Variants in CDH12 observed in about 807,000 individuals in gnomAD.
The protein encoded by CDH12 is cadherin-12.
In CDH12, 41 loss-of-function variants were observed where a neutral mutation model predicts 74.1. The ratio of observed to expected loss-of-function variants is 0.55; its 90% CI spans 0.43 to 0.72. The LOEUF is 0.72. Ranked by LOEUF, CDH12 falls within the 30% of genes least tolerant of loss-of-function variation. CDH12 has a pLI of 0.00. For missense variants in CDH12, 945 were observed against 977.2 expected (o/e 0.97, Z 0.44); for synonymous variants, 399 against 355.0 (o/e 1.12, Z -1.39).
chr5:21,843,754 C>G (rs183745791), intron 7 of CDH12, among the ~76,000 whole-genome samples: 1 of 152,182 alleles, frequency 6.6e-6, no homozygotes, highest in Admixed American at 6.5e-5. Context: ...GCTCAGGCTC[C>G]TGAAGCTTCA....
At chr5:22,843,609 T>C (rs919381859) in intron 1 of CDH12, among the ~76,000 whole-genome samples, 2 of 134,838 alleles carry the variant, frequency 1.5e-5, no homozygotes, top group African/African-American at 5.6e-5. Context: ...TTCTTAACAT[T>C]TGTGGTGTGT....
At chr5:22,569,309 G>A (rs1739434621) in intron 1 of CDH12, among the ~76,000 whole-genome samples, 1 of 152,110 alleles carries the variant, frequency 6.6e-6, no homozygotes, top group Non-Finnish European at 1.5e-5. Flanking sequence ...GATTAAGTGT[G>A]TGGCACCCCA....
At chr5:22,267,800 G>T (rs1365448472) in intron 3 of CDH12, among the ~76,000 whole-genome samples, 1 of 152,086 alleles carries the variant, frequency 6.6e-6, no homozygotes, top group Non-Finnish European at 1.5e-5. Context: ...GATCCAACTT[G>T]ATAATGGCAT....
chr5:22,267,285 C>A (rs1019880654), intron 3 of CDH12, among the ~76,000 whole-genome samples: 3 of 152,044 alleles, frequency 2.0e-5, no homozygotes, highest in South Asian at 2.1e-4. Context: ...TTATGAGTAA[C>A]GTGTTTTAAT....
At position 22,293,134 on chromosome 5, in the gene CDH12, G is replaced by C. The variant is rs367984924; in HGVS notation, c.-332-80491C>G. On this transcript the variant is annotated intron_variant, in intron 3 of 14. Transcript: ENST00000382254. The stretch of plus-strand genomic sequence containing the variant: ...ATTTGGCACCCTTAGTTCTGAAACT[G>C]CTCTTCCTGCTGCTGTAGCCCCTAC... 2.6e-5 allele frequency among the ~76,000 whole-genome samples: 4 copies of C among 152,086 alleles called. No individual in the cohort carries two copies. In the East Asian group the frequency reaches 7.7e-4, roughly 29 times the overall value.
chr5:22,765,645 T>A (rs1183190406), intron 1 of CDH12, among the ~76,000 whole-genome samples: 3 of 152,024 alleles, frequency 2.0e-5, no homozygotes, highest in Non-Finnish European at 4.4e-5. Flanking sequence ...GATTTTAATG[T>A]TTAAAAGCGT....
intron 5 of CDH12, among the ~76,000 whole-genome samples, chr5:21,983,034 T>C (rs1205965566): frequency 6.6e-6 from 1 of 152,128 alleles, no homozygotes; most frequent in Non-Finnish European, 1.5e-5. Flanking sequence ...ATCTGCACAA[T>C]TGTCAACCTG....
intron 8 of CDH12, among the ~76,000 whole-genome samples, chr5:21,829,986 G>T (rs1748912910): frequency 1.3e-5 from 2 of 151,732 alleles, no homozygotes; most frequent in Admixed American, 1.3e-4. Context: ...ATCACCCGAG[G>T]TCAGGAATTT....
chr5:21,975,365 C>T lies in CDH12; in HGVS notation c.252G>A (p.Lys84=). The change falls in exon 6 of 15, where the codon AAG becomes AAA. Residue 84 remains lysine (K), a synonymous_variant. Coordinates refer to ENST00000382254, the MANE Select transcript of CDH12 (RefSeq NM_004061.5). The part of the protein sequence containing the change: ...YVGKLHSDLD[K]GEGTVKYTLS... ...GGGTGTATTTCACAGTGCCCTCTCC[C>T]TTGTCTAAGTCGGAATGGAGCTTTA... The T allele has an allele frequency of 6.3e-7, 1 of 1,594,686 alleles. No homozygotes were observed. The highest frequency in any genetic ancestry group is 8.5e-7 in the Non-Finnish European group (1 of 1,178,754).
At chr5:22,667,972 T>G (rs1487412) in intron 1 of CDH12, among the ~76,000 whole-genome samples, 85,977 of 151,880 alleles carry the variant, frequency 0.57, 24,556 homozygotes, top group Non-Finnish European at 0.59. Flanking sequence ...AAAAAACATT[T>G]AGATCATATA....
intron 3 of CDH12, among the ~76,000 whole-genome samples, chr5:22,298,423 A>C (rs1418678054): frequency 6.6e-6 from 1 of 152,048 alleles, no homozygotes; most frequent in Non-Finnish European, 1.5e-5. Flanking sequence ...ATATCTAAGC[A>C]AACCTCTAAT....
intron 1 of CDH12, among the ~76,000 whole-genome samples, chr5:22,806,906 C>A (rs1285529012): frequency 6.6e-6 from 1 of 151,930 alleles, no homozygotes; most frequent in Non-Finnish European, 1.5e-5. Flanking sequence ...CAAAAATTTT[C>A]TCCCATTCTG....
intron 1 of CDH12, among the ~76,000 whole-genome samples, chr5:22,609,172 G>C (rs1428640316): frequency 6.6e-6 from 1 of 152,020 alleles, no homozygotes; most frequent in African/African-American, 2.4e-5. Context: ...TTTTTATAAT[G>C]GTCTTTAGAG....
At position 22,644,481 on chromosome 5, in the gene CDH12, T is replaced by C. The variant is rs370739684; in HGVS notation, c.-522-139117A>G. Reference sequence around the variant, plus strand: ...CTAACTCTCTTCAATTCTATGAAGGTTGAGAGAAGTGAGAAGCTATAGAAA... The same window carrying C: ...CTAACTCTCTTCAATTCTATGAAGGCTGAGAGAAGTGAGAAGCTATAGAAA... On this transcript the variant is annotated intron_variant, in intron 1 of 14. Transcript: ENST00000382254. Among the ~76,000 whole-genome samples the C allele has an allele frequency of 1.9e-4, 29 of 151,872 alleles. No individual in the cohort carries two copies. The East Asian group carries it at 4.8e-3, about 25-fold the overall frequency.
At chr5:22,548,235 A>G (rs758319186) in intron 1 of CDH12, among the ~76,000 whole-genome samples, 4 of 152,318 alleles carry the variant, frequency 2.6e-5, no homozygotes, top group Non-Finnish European at 5.9e-5. Flanking sequence ...TCTTGTTAAC[A>G]TAGCTGACAA....
At chr5:21,886,883 G>A (rs985140408) in intron 6 of CDH12, among the ~76,000 whole-genome samples, 8 of 151,862 alleles carry the variant, frequency 5.3e-5, no homozygotes, top group South Asian at 2.1e-4. Flanking sequence ...TTGGTTTTTG[G>A]CACATCTTTT....
At chr5:22,740,486 C>A (rs1027920762) in intron 1 of CDH12, among the ~76,000 whole-genome samples, 1 of 151,446 alleles carries the variant, frequency 6.6e-6, no homozygotes, top group Non-Finnish European at 1.5e-5. Flanking sequence ...GCTTATGATT[C>A]CCACTATATC....
intron 5 of CDH12, among the ~76,000 whole-genome samples, chr5:22,040,384 A>C (rs2150182698): frequency 6.6e-6 from 1 of 152,266 alleles, no homozygotes; most frequent in African/African-American, 2.4e-5. Flanking sequence ...AAGGACAGAA[A>C]GCTTATTATA....
intron 5 of CDH12, among the ~76,000 whole-genome samples, chr5:22,041,060 G>A (rs1184224510): frequency 6.6e-6 from 1 of 151,934 alleles, no homozygotes; most frequent in Non-Finnish European, 1.5e-5. Context: ...AATATAGGGG[G>A]AAAGGTAAAA....
Sources: allele counts gnomAD v4.1 joint callset (sites outside exome capture counted in the v4.1 genomes callset), GRCh38; gene constraint gnomAD v4.1.1; transcripts MANE v1.5; gene names NCBI Gene and HGNC (gene_info 2026-07-23, HGNC 2026-07-21).